Variants in SLCO4C1 observed in about 807,000 individuals in gnomAD.
SLCO4C1 encodes the protein solute carrier organic anion transporter family member 4C1.
Under a neutral mutation model 72.1 loss-of-function variants are expected in SLCO4C1, and 58 were observed. The observed-to-expected ratio is 0.80, with a 90% CI of 0.65 to 1.00. SLCO4C1 has a LOEUF of 1.00. SLCO4C1 is among the 50% of genes least tolerant of loss of function. The probability of loss-of-function intolerance (pLI) is 0.00; values close to 1 mark genes in which losing one functional copy is unlikely to be tolerated. For missense variants in SLCO4C1, 898 were observed against 857.9 expected (o/e 1.05, Z -0.58); for synonymous variants, 297 against 312.5 (o/e 0.95, Z 0.52).
intron 1 of SLCO4C1, among the ~76,000 whole-genome samples, chr5:102,294,098 G>A (rs1160387890): frequency 7.2e-5 from 11 of 152,052 alleles, no homozygotes; most frequent in Admixed American, 2.0e-4. Flanking sequence ...TGGTAGAGAC[G>A]GGGTTTCACC....
At chr5:102,295,015 T>G (rs983758265) in intron 1 of SLCO4C1, among the ~76,000 whole-genome samples, 1 of 152,210 alleles carries the variant, frequency 6.6e-6, no homozygotes, top group South Asian at 2.1e-4. Flanking sequence ...AGCTTCGGCA[T>G]GTCCTTCTTG....
At chr5:102,252,718 A>T (rs1045778087) in intron 8 of SLCO4C1, among the ~76,000 whole-genome samples, 62 of 152,308 alleles carry the variant, frequency 4.1e-4, no homozygotes, top group African/African-American at 1.5e-3. Flanking sequence ...TATAGCTTAT[A>T]TTCCTTAATA....
intron 2 of SLCO4C1, among the ~76,000 whole-genome samples, chr5:102,284,947 G>A (rs1749423112): frequency 6.6e-6 from 1 of 152,074 alleles, no homozygotes; most frequent in Non-Finnish European, 1.5e-5. Flanking sequence ...ATTTCATGAT[G>A]ATTGTGAAAC....
At position 102,239,377 on chromosome 5, in the gene SLCO4C1, C is replaced by T. The variant is rs1413152430; in HGVS notation, c.1888G>A (p.Gly630Arg). The change falls in exon 12 of 13, where the codon GGA becomes AGA. Residue 630 changes from glycine (G) to arginine (R), a missense_variant. Coordinates refer to ENST00000310954, the MANE Select transcript of SLCO4C1 (RefSeq NM_180991.5). ...MVLRLLGTIP[G>R]PIIFGFTIDS... ...ATTGTGAAACCAAATATAATTGGTCCAGGAATTGTCCCTAAAAGAATTATG... is the reference window on the plus strand; with the variant it reads ...ATTGTGAAACCAAATATAATTGGTCTAGGAATTGTCCCTAAAAGAATTATG... 2.5e-6 allele frequency: 4 copies of T among 1,579,004 alleles called. No homozygotes were observed. The highest frequency in any genetic ancestry group is 3.4e-6 in the Non-Finnish European group (4 of 1,164,740).
At chr5:102,250,449 A>G (rs1462459229) in intron 8 of SLCO4C1, among the ~76,000 whole-genome samples, 2 of 152,196 alleles carry the variant, frequency 1.3e-5, no homozygotes, top group Admixed American at 6.5e-5. Flanking sequence ...CAAACAACAT[A>G]TATTGAGCAA....
At chr5:102,294,072 C>G (rs1291351459) in intron 1 of SLCO4C1, among the ~76,000 whole-genome samples, 3 of 152,182 alleles carry the variant, frequency 2.0e-5, no homozygotes, top group African/African-American at 7.2e-5. Flanking sequence ...CAATGCCCAA[C>G]TAGTTTTTGT....
intron 2 of SLCO4C1, among the ~76,000 whole-genome samples, chr5:102,271,564 C>T (rs1749152996): frequency 6.6e-6 from 1 of 151,658 alleles, no homozygotes; most frequent in Non-Finnish European, 1.5e-5. Context: ...TTCATTAACA[C>T]TTTACATAAT....
intron 2 of SLCO4C1, among the ~76,000 whole-genome samples, chr5:102,282,743 GTGAATGTGTGCA>G (rs950381844): frequency 6.6e-6 from 1 of 152,022 alleles, no homozygotes; most frequent in Non-Finnish European, 1.5e-5. Context: ...TTATGTGAGT[GTGAATGTGTGCA>G]TGAATGTGTG....
At position 102,236,554 on chromosome 5, in the gene SLCO4C1, G is replaced by C. The variant is rs564816242; in HGVS notation, c.*304C>G. Reference sequence around the variant, plus strand: ...TTGAGGATTTCATACCTAGACAATGGGAATAGGAAATAAGTGTGTATGTGT... The same window carrying C: ...TTGAGGATTTCATACCTAGACAATGCGAATAGGAAATAAGTGTGTATGTGT... On this transcript the variant is annotated 3_prime_UTR_variant, in exon 13 of 13. Transcript: ENST00000310954. The C allele has an allele frequency of 1.1e-5, 2 of 184,364 alleles. No homozygotes were observed. Among genetic ancestry groups the C allele is most frequent in the African/African-American group, 4.7e-5 (2 of 42,222 alleles). The allele number at this position is 184,364 out of a possible 1,614,324, so 11.4% of individuals were successfully genotyped here. A position where few individuals can be genotyped will look rare whatever the true frequency, so the allele number is the denominator to read the frequency against.
chr5:102,284,342 T>G (rs930746494), intron 2 of SLCO4C1, among the ~76,000 whole-genome samples: 3 of 152,158 alleles, frequency 2.0e-5, no homozygotes, highest in African/African-American at 7.2e-5. Flanking sequence ...AAGGACCTAG[T>G]CTATATCACA....
In SLCO4C1 at chr5:102,260,321, T is replaced by TAA. The variant is rs746119680; in HGVS notation, c.1022-4_1022-3dup. 1.7e-5 allele frequency: 7 copies of TAA among 406,320 alleles called. No homozygotes were observed. Among genetic ancestry groups the TAA allele is most frequent in the South Asian group, 6.4e-5 (1 of 15,508 alleles). 25.2% of individuals were successfully genotyped at this position (406,320 alleles called of 1,614,324 possible). ...TTCCAGCTTGAATTTCTGCTGTACC[T>TAA]AAAAAAAAAATATATATATATATAT... On this transcript the variant is annotated splice_polypyrimidine_tract_variant and splice_region_variant and intron_variant, in intron 5 of 12. Coordinates refer to ENST00000310954, the MANE Select transcript of SLCO4C1 (RefSeq NM_180991.5).
chr5:102,254,142 C>CT (rs1748792092), intron 8 of SLCO4C1, among the ~76,000 whole-genome samples: 1 of 152,096 alleles, frequency 6.6e-6, no homozygotes, highest in Non-Finnish European at 1.5e-5. Context: ...ACCCTACATC[C>CT]TCAGAACCTC....
In SLCO4C1 at chr5:102,258,521, A is replaced by G. The variant is rs558288414; in HGVS notation, c.1129-434T>C. On this transcript the variant is annotated intron_variant, in intron 6 of 12. Coordinates refer to ENST00000310954, the MANE Select transcript of SLCO4C1 (RefSeq NM_180991.5). Reference sequence around the variant, plus strand: ...AGATGAGAATGGTCTCTAAGTATCAAATTAATAGTATGGTTCCATGATTAC... The same window carrying G: ...AGATGAGAATGGTCTCTAAGTATCAGATTAATAGTATGGTTCCATGATTAC... 1.2e-4 allele frequency among the ~76,000 whole-genome samples: 18 copies of G among 152,304 alleles called. No individual in the cohort carries two copies. In the South Asian group the frequency reaches 3.1e-3, roughly 26 times the overall value.
chr5:102,239,447 CT>C (rs1297110222), intron 11 of SLCO4C1, 59 bp from the exon 12 acceptor site: 6 of 1,248,016 alleles, frequency 4.8e-6, no homozygotes, highest in Non-Finnish European at 6.4e-6. Context: ...AATTACAGAT[CT>C]TTTTATACAT....
rs1229339098 is a variant in SLCO4C1, at chr5:102,247,401, T to A, written c.1662A>T (p.Ile554=). Residue 554 remains isoleucine, a synonymous_variant, in exon 10 of 13, where the codon ATA becomes ATT. Coordinates refer to ENST00000310954, the MANE Select transcript of SLCO4C1 (RefSeq NM_180991.5). The part of the protein sequence containing the change: ...NCSCIERKTE[I]TSTAETFGFE... Reference sequence around the variant, plus strand: ...AACCAAAAGTTTCTGCAGTGGATGTTATTTCTGTTTTCCTTTCAATACAGG... The same window carrying A: ...AACCAAAAGTTTCTGCAGTGGATGTAATTTCTGTTTTCCTTTCAATACAGG... 3.8e-6 allele frequency: 6 copies of A among 1,590,054 alleles called. No homozygotes were observed. The Admixed American group carries it at 5.1e-5, about 13-fold the overall frequency.
chr5:102,268,758 T>C (rs1343421844), intron 3 of SLCO4C1, among the ~76,000 whole-genome samples: 1 of 152,134 alleles, frequency 6.6e-6, no homozygotes, highest in Non-Finnish European at 1.5e-5. Context: ...GTTTTATGCT[T>C]TCACTTGTGT....
chr5:102,272,655 G>A (rs1399646394), intron 2 of SLCO4C1, among the ~76,000 whole-genome samples: 2 of 152,092 alleles, frequency 1.3e-5, no homozygotes, highest in Non-Finnish European at 2.9e-5. Flanking sequence ...GATTTAATAA[G>A]CTCATAGAAA....
chr5:102,265,667 A>G (rs964398180), intron 3 of SLCO4C1, among the ~76,000 whole-genome samples: 7 of 152,136 alleles, frequency 4.6e-5, no homozygotes, highest in African/African-American at 1.7e-4. Context: ...CCATTGGTCA[A>G]TGTGTCTGTT....
At chr5:102,293,241 T>A (rs886104416) in intron 1 of SLCO4C1, among the ~76,000 whole-genome samples, 1 of 152,066 alleles carries the variant, frequency 6.6e-6, no homozygotes, top group Non-Finnish European at 1.5e-5. Flanking sequence ...TAATACAAAA[T>A]TTTCCGCATC....
Sources: allele counts gnomAD v4.1 joint callset (sites outside exome capture counted in the v4.1 genomes callset), GRCh38; gene constraint gnomAD v4.1.1; transcripts MANE v1.5; gene names NCBI Gene and HGNC (gene_info 2026-07-23, HGNC 2026-07-21).